UMODL1: variants seen among roughly 807,000 people sequenced by gnomAD.
The protein encoded by UMODL1 is uromodulin-like 1.
A neutral mutation model predicts 136.3 loss-of-function variants in UMODL1; 128 were observed. The ratio of observed to expected loss-of-function variants is 0.94; its 90% CI spans 0.81 to 1.09. UMODL1 has a LOEUF of 1.09. Among genes scored for constraint, UMODL1 ranks in the 50% least tolerant of loss-of-function variants. The pLI, the probability that UMODL1 is intolerant of heterozygous loss-of-function variation, is 0.00. For synonymous variants in UMODL1, 721 were observed against 720.0 expected (o/e 1.00, Z -0.02); for missense variants, 1,766 against 1,725.6 (o/e 1.02, Z -0.41).
Position 42,127,211 on chromosome 21 carries a change from G to T in UMODL1, c.3499G>T (p.Asp1167Tyr). The change falls in exon 19 of 23, where the codon GAC becomes TAC. Residue 1167 changes from aspartate (D) to tyrosine (Y), a missense_variant. Physicochemically the swap from Asp to Tyr is radical, Grantham distance 160. Coordinates refer to ENST00000408910, the MANE Select transcript of UMODL1 (RefSeq NM_001004416.3). ...GGCAACCCCGTCTAGCAACGCCCGGGACCCCATCACCTTCAGCTTCATTAA... is the reference window on the plus strand; with the variant it reads ...GGCAACCCCGTCTAGCAACGCCCGGTACCCCATCACCTTCAGCTTCATTAA... ...CWATPSSNAR[D>Y]PITFSFINNS... is the part of the protein sequence containing the mutation. The T allele has an allele frequency of 6.2e-7, 1 of 1,614,012 alleles. No homozygotes were observed. The highest frequency in any genetic ancestry group is 8.5e-7 in the Non-Finnish European group (1 of 1,180,034).
chr21:42,082,522 G>C (rs545027877), intron 2 of UMODL1, among the ~76,000 whole-genome samples: 38 of 152,182 alleles, frequency 2.5e-4, no homozygotes, highest in Admixed American at 1.1e-3. Context: ...AAAGCCCCAG[G>C]GGGGCATGGC....
chr21:42,090,501 C>T, intron 6 of UMODL1, 63 bp downstream of exon 6: 1 of 1,590,674 alleles, frequency 6.3e-7, no homozygotes. Flanking sequence ...CCCGGGAATA[C>T]TCACCAGCAG....
chr21:42,111,346 C>T, intron 11 of UMODL1, 160 bp from the exon 12 acceptor site: 2 of 1,608,996 alleles, frequency 1.2e-6, no homozygotes, highest in Non-Finnish European at 1.7e-6. Flanking sequence ...AGGGGAGCCC[C>T]AGCCAGGAGA....
rs148690666 is a variant in UMODL1, at chr21:42,104,460, T to C, written c.1519+373T>C. ...TTTTCTTTTTCTTTTCTTTTCTTTTTTTTTTTAAGACAGAGTTTCGCTCTT... is the reference window on the plus strand; with the variant it reads ...TTTTCTTTTTCTTTTCTTTTCTTTTCTTTTTTAAGACAGAGTTTCGCTCTT... On this transcript the variant is annotated intron_variant, in intron 9 of 22. Coordinates refer to ENST00000408910, the MANE Select transcript of UMODL1 (RefSeq NM_001004416.3). Among the ~76,000 whole-genome samples, 652 of 152,168 alleles carry C rather than the reference T, an allele frequency of 4.3e-3. 7 individuals are homozygous for C. The highest frequency in any genetic ancestry group is 0.014 in the African/African-American group (600 of 41,516).
At chr21:42,072,942 C>T (rs1317780652) in intron 1 of UMODL1, among the ~76,000 whole-genome samples, 1 of 152,206 alleles carries the variant, frequency 6.6e-6, no homozygotes, top group Non-Finnish European at 1.5e-5. Flanking sequence ...TGGGATGGCA[C>T]GTGACCTCGG....
chr21:42,073,834 A>T (rs996365455), intron 1 of UMODL1, among the ~76,000 whole-genome samples: 6 of 152,108 alleles, frequency 3.9e-5, no homozygotes, highest in Non-Finnish European at 7.4e-5. Context: ...CCAGCTACTC[A>T]TTGAGGGAAA....
chr21:42,142,618 T>C lies in UMODL1; in HGVS notation c.*544T>C, dbSNP rs74793276. 13,510 of 152,350 alleles carry C rather than the reference T, an allele frequency of 0.089. 633 individuals carry two copies. Among genetic ancestry groups the C allele is most frequent in the East Asian group, 0.19 (969 of 5,186 alleles). The allele number at this position is 152,350 out of a possible 1,614,324, so 9.4% of individuals were successfully genotyped here. ...TAATGTTATTTTTAGTGGATGTTTA[T>C]GCTGTTTGACTTTTCTCCTGTGTAC... is the stretch of plus-strand genomic sequence containing the variant. On this transcript the variant is annotated 3_prime_UTR_variant, in exon 23 of 23. Coordinates refer to ENST00000408910, the MANE Select transcript of UMODL1 (RefSeq NM_001004416.3).
intron 18 of UMODL1, 88 bp from the exon 19 acceptor site, chr21:42,126,918 C>G: frequency 9.4e-7 from 1 of 1,063,966 alleles, no homozygotes; most frequent in South Asian, 1.3e-5. Context: ...TCCTCTGGAG[C>G]TGTGTTTTAG....
upstream of UMODL1, among the ~76,000 whole-genome samples, chr21:42,067,827 G>A (rs542901987): frequency 4.6e-4 from 70 of 152,334 alleles, no homozygotes; most frequent in African/African-American, 1.6e-3. Flanking sequence ...CCGCACCCTC[G>A]CTTTCCATCC....
intron 10 of UMODL1, among the ~76,000 whole-genome samples, 176 bp from the exon 11 acceptor site, chr21:42,110,704 A>T (rs996425427): frequency 6.6e-6 from 1 of 152,064 alleles, no homozygotes; most frequent in African/African-American, 2.4e-5. Context: ...AGCCCCGGGG[A>T]GGCTGCAAAC....
intron 13 of UMODL1, 126 bp downstream of exon 13, chr21:42,113,956 A>T: frequency 7.4e-7 from 1 of 1,343,926 alleles, no homozygotes; most frequent in Non-Finnish European, 1.0e-6. Flanking sequence ...TTCTCAGCTT[A>T]GGGACATCCG....
upstream of UMODL1, among the ~76,000 whole-genome samples, chr21:42,069,554 G>C (rs545662284): frequency 6.6e-6 from 1 of 152,096 alleles, no homozygotes; most frequent in African/African-American, 2.4e-5. Flanking sequence ...GACAAGCCTG[G>C]GTTTAATCTC....
chr21:42,126,736 G>A (rs1037451667), intron 18 of UMODL1, among the ~76,000 whole-genome samples: 7 of 152,138 alleles, frequency 4.6e-5, no homozygotes, highest in African/African-American at 1.4e-4. Context: ...CTGGCAGGCC[G>A]CCACCCAAGC....
At chr21:42,118,622 A>G (rs1227222991) in intron 14 of UMODL1, among the ~76,000 whole-genome samples, 4 of 152,154 alleles carry the variant, frequency 2.6e-5, no homozygotes, top group Non-Finnish European at 5.9e-5. Context: ...GGGGAGAGGT[A>G]GGGAGGAAGA....
intron 22 of UMODL1, among the ~76,000 whole-genome samples, chr21:42,140,554 A>T (rs1258180764): frequency 1.3e-5 from 2 of 152,184 alleles, no homozygotes; most frequent in Admixed American, 1.3e-4. Context: ...TAGTGTTCAC[A>T]TGACTGATGG....
Position 42,119,134 on chromosome 21 carries a change from C to A in UMODL1, c.2499C>A (p.Thr833=). 1 of 1,613,416 alleles carries A rather than the reference C, an allele frequency of 6.2e-7. No homozygotes were observed. Among genetic ancestry groups the A allele is most frequent in the Non-Finnish European group, 8.5e-7 (1 of 1,179,846 alleles). ...AGGTGCGGGGCTCCCTGCCAGCCAC[C>A]ATGTGTCAGCACATGGACGCTGGTG... ...FRMVRGSLPA[T]MCQHMDAGGV... Residue 833 remains threonine (T), a synonymous_variant, in exon 15 of 23, where the codon ACC becomes ACA. Coordinates refer to ENST00000408910, the MANE Select transcript of UMODL1 (RefSeq NM_001004416.3).
At chr21:42,110,730 A>G in intron 10 of UMODL1, 150 bp from the exon 11 acceptor site, 1 of 722,956 alleles carries the variant, frequency 1.4e-6, no homozygotes, top group Non-Finnish European at 2.2e-6. Flanking sequence ...CCCAGGAAAC[A>G]CTCCTGAACG....
At chr21:42,126,926 TA>T (rs1268771798) in intron 18 of UMODL1, 79 bp from the exon 19 acceptor site, 11 of 1,149,730 alleles carry the variant, frequency 9.6e-6, no homozygotes, top group African/African-American at 3.0e-5. Flanking sequence ...AGCTGTGTTT[TA>T]GGGGAGAAGT....
At chr21:42,083,023 GC>G in intron 2 of UMODL1, among the ~76,000 whole-genome samples, 1 of 152,302 alleles carries the variant, frequency 6.6e-6, no homozygotes, top group East Asian at 1.9e-4. Flanking sequence ...CACCGGGTTG[GC>G]CTCTTGCCTT....
Sources: allele counts gnomAD v4.1 joint callset (sites outside exome capture counted in the v4.1 genomes callset), GRCh38; gene constraint gnomAD v4.1.1; transcripts MANE v1.5; gene names NCBI Gene and HGNC (gene_info 2026-07-23, HGNC 2026-07-21).